Variants in HSPA9 observed in about 807,000 individuals in gnomAD.
HSPA9 encodes the protein stress-70 protein, mitochondrial.
HSPA9 carries 28 observed loss-of-function variants against 81.5 expected under a neutral mutation model. The ratio of observed to expected loss-of-function variants is 0.34; its 90% CI spans 0.25 to 0.47. The LOEUF (loss-of-function observed/expected upper bound fraction) is 0.47, where lower values mean the gene tolerates loss of function less well. Among genes scored for constraint, HSPA9 ranks in the 20% least tolerant of loss-of-function variants. HSPA9 has a pLI of 1.00. For missense variants in HSPA9, 678 were observed against 838.0 expected, an observed-to-expected ratio of 0.81 and a Z score of 2.36; for synonymous variants, 293 against 290.4, an observed-to-expected ratio of 1.01 and a Z score of -0.09.
intron 14 of HSPA9, chr5:138,557,103 A>C (rs995450327): frequency 1.6e-6 from 1 of 609,140 alleles, no homozygotes; most frequent in South Asian, 2.0e-5. Context: ...CACTGCAAAC[A>C]TAAGGTATAA....
At chr5:138,556,967 AT>A (rs1750541379) in intron 14 of HSPA9, 101 bp from the exon 15 acceptor site, 2 of 846,558 alleles carry the variant, frequency 2.4e-6, no homozygotes, top group African/African-American at 3.3e-5. Context: ...ACAGTTACAG[AT>A]AAAAATAGAG....
intron 14 of HSPA9, chr5:138,557,093 C>T (rs1750545072): frequency 1.6e-6 from 1 of 611,556 alleles, no homozygotes; most frequent in Non-Finnish European, 2.9e-6. Context: ...ATAATAAAGG[C>T]ACTGCAAACA....
intron 3 of HSPA9, among the ~76,000 whole-genome samples, chr5:138,571,571 C>T (rs1750891332): frequency 6.6e-6 from 1 of 152,088 alleles, no homozygotes; most frequent in Non-Finnish European, 1.5e-5. Context: ...TACTACCGGG[C>T]ATGCTTTACT....
At chr5:138,563,553 C>G (rs911534696) in intron 9 of HSPA9, among the ~76,000 whole-genome samples, 2 of 152,164 alleles carry the variant, frequency 1.3e-5, no homozygotes, top group Non-Finnish European at 2.9e-5. Flanking sequence ...ACTCAGGGTG[C>G]CTTCTGCCCT....
At chr5:138,572,940 G>T (rs868714912) in intron 3 of HSPA9, among the ~76,000 whole-genome samples, 59 of 151,690 alleles carry the variant, frequency 3.9e-4, no homozygotes, top group Admixed American at 9.2e-4. Context: ...CTGTCACCCA[G>T]GCTGGAGTAC....
rs372075340 is a variant in HSPA9, at chr5:138,557,409, C to T, written c.1721G>A (p.Arg574Gln). 7.4e-5 allele frequency: 118 copies of T among 1,601,444 alleles called. 2 individuals are homozygous for T. The South Asian group carries it at 1.1e-3, about 15-fold the overall frequency. Residue 574 changes from arginine (R) to glutamine (Q), a missense_variant, in exon 14 of 17, where the codon CGA (arginine) becomes CAA (glutamine). This residue lies in a region of HSPA9 where 484 missense variants were observed against 647.5 expected (regional missense o/e 0.75). Transcript: ENST00000297185. ...NAEKYAEEDR[R>Q]KKERVEAVNM... ...AAGACAAGAAGTAATCACCTTCTTT[C>T]GCCGGTCTTCTTCAGCATATTTCTC...
At chr5:138,557,073 A>G (rs775840436) in intron 14 of HSPA9, 41 of 623,168 alleles carry the variant, frequency 6.6e-5, no homozygotes, top group Non-Finnish European at 1.1e-4. Flanking sequence ...TGACAGGGAA[A>G]ACAGAAGAAA....
intron 1 of HSPA9, chr5:138,574,995 T>C (rs1751055271): frequency 3.4e-6 from 2 of 590,106 alleles, no homozygotes; most frequent in South Asian, 2.1e-5. Context: ...GACCACTACC[T>C]GGTAATTTTG....
In HSPA9 at chr5:138,570,987, T is replaced by A. The variant is rs765368797; in HGVS notation, c.383A>T (p.Tyr128Phe). The A allele has an allele frequency of 6.2e-7, 1 of 1,614,216 alleles. No individual in the cohort carries two copies. The highest frequency in any genetic ancestry group is 1.1e-5 in the South Asian group (1 of 91,088). Reference sequence around the variant, plus strand: ...GTCTTTCTGTACTTCAGGATCATCATATCGCCGGCCAATGAGACGCTTGGT... The same window carrying A: ...GTCTTTCTGTACTTCAGGATCATCAAATCGCCGGCCAATGAGACGCTTGGT... ...YATKRLIGRR[Y>F]DDPEVQKDIK... The change falls in exon 4 of 17, where the codon TAT becomes TTT. Residue 128 changes from tyrosine to phenylalanine, a missense_variant. Transcript: ENST00000297185.
At chr5:138,561,463 T>C in intron 10 of HSPA9, 117 bp downstream of exon 10, 1 of 789,762 alleles carries the variant, frequency 1.3e-6, no homozygotes, top group African/African-American at 1.7e-5. Flanking sequence ...GAGTATATAA[T>C]CTCATCTCCC....
intron 11 of HSPA9, 127 bp from the exon 12 acceptor site, chr5:138,558,784 A>G: frequency 1.4e-6 from 1 of 706,674 alleles, no homozygotes; most frequent in Non-Finnish European, 2.6e-6. Context: ...TGTTCAGAAC[A>G]AAGGCTGATG....
At chr5:138,562,508 G>A (rs1284343631) in intron 9 of HSPA9, among the ~76,000 whole-genome samples, 1 of 151,940 alleles carries the variant, frequency 6.6e-6, no homozygotes, top group African/African-American at 2.4e-5. Flanking sequence ...CCGAGATTGT[G>A]CCACTGCACT....
At chr5:138,557,357 C>A in intron 14 of HSPA9, 45 bp downstream of exon 14, 1 of 1,348,340 alleles carries the variant, frequency 7.4e-7, no homozygotes, top group Non-Finnish European at 1.1e-6. Flanking sequence ...ACTGTCAAGA[C>A]TGAGCTTTAC....
chr5:138,556,238 TC>T (rs1224693540), intron 16 of HSPA9, 124 bp from the exon 17 acceptor site: 2 of 1,023,022 alleles, frequency 2.0e-6, no homozygotes, highest in Non-Finnish European at 3.1e-6. Context: ...CCACTCCCCC[TC>T]CCCACTTTCT....
chr5:138,573,514 G>A (rs1750997254), intron 3 of HSPA9, among the ~76,000 whole-genome samples: 1 of 151,968 alleles, frequency 6.6e-6, no homozygotes, highest in African/African-American at 2.4e-5. Context: ...AGCCAGGAAT[G>A]GTGGTTCATG....
At chr5:138,558,022 C>G in intron 12 of HSPA9, 36 bp from the exon 13 acceptor site, 4 of 1,261,152 alleles carry the variant, frequency 3.2e-6, no homozygotes, top group Non-Finnish European at 4.7e-6. Flanking sequence ...GGTCCTCTTA[C>G]AGAGGGGTCC....
At chr5:138,557,315 G>T in intron 14 of HSPA9, 87 bp downstream of exon 14, 1 of 889,762 alleles carries the variant, frequency 1.1e-6, no homozygotes, top group Non-Finnish European at 1.9e-6. Context: ...GGGATTACAG[G>T]AGTGAGACAC....
rs1750664235 is a variant in HSPA9 at position 138,561,678 on chromosome 5, T to C, written c.1084A>G (p.Thr362Ala). The change falls in exon 10 of 17, where the codon ACT becomes GCT. Residue 362 changes from threonine to alanine, a missense_variant. By Grantham distance (58) the Thr-to-Ala change is moderately conservative. Transcript: ENST00000297185. The part of the protein sequence containing the change: ...EGIVTDLIRR[T>A]IAPCQKAMQD... Reference sequence around the variant, plus strand: ...ATAGCTTTTTGGCATGGAGCGATAGTCCTTCTGATTAGATCAGTGACAATC... The same window carrying C: ...ATAGCTTTTTGGCATGGAGCGATAGCCCTTCTGATTAGATCAGTGACAATC... The C allele has an allele frequency of 2.5e-6, 4 of 1,614,152 alleles. No homozygotes were observed. Among genetic ancestry groups the C allele is most frequent in the Non-Finnish European group, 2.5e-6 (3 of 1,179,996 alleles).
rs1180462731 is a variant in HSPA9 at position 138,575,240 on chromosome 5, G to C, written c.79C>G (p.Gln27Glu). Residue 27 changes from glutamine to glutamate, a missense_variant and splice_region_variant, in exon 1 of 17, where the codon CAG becomes GAG. Around this residue, in one of 4 missense-constraint regions of HSPA9, gnomAD observed 89 missense variants for 70.4 expected, o/e 1.27. Coordinates refer to ENST00000297185, the MANE Select transcript of HSPA9 (RefSeq NM_004134.7). ...ASRGPTAARH[Q>E]DSWNGLSHEA... The stretch of plus-strand genomic sequence containing the variant: ...TCGGGAAGGTCCCAGTTCCTCACCT[G>C]GTGGCGGGCGGCCGTAGGGCCCCGG... The C allele has an allele frequency of 3.7e-6, 6 of 1,600,102 alleles. No individual in the cohort carries two copies. The highest frequency in any genetic ancestry group is 3.4e-5 in the South Asian group (3 of 88,938).
Sources: gnomAD v4.1 joint callset for allele counts (sites outside exome capture counted in the v4.1 genomes callset) on GRCh38, gnomAD v4.1.1 for gene constraint, gnomAD v4.1.1 regional missense constraint, MANE v1.5 for transcripts, NCBI Gene and HGNC (gene_info 2026-07-23, HGNC 2026-07-21) for gene names.